TBC1D5: variants seen among roughly 807,000 people sequenced by gnomAD.
TBC1D5 encodes TBC1 domain family, member 5.
TBC1D5 carries 75 observed loss-of-function variants against 100.3 expected under a neutral mutation model. The ratio of observed to expected loss-of-function variants is 0.75; its 90% confidence interval spans 0.62 to 0.91. The LOEUF is 0.91. Among genes scored for constraint, TBC1D5 ranks in the 40% least tolerant of loss-of-function variants. TBC1D5 has a pLI of 0.00. For missense variants in TBC1D5, 910 were observed against 942.4 expected (o/e 0.97, Z 0.45); for synonymous variants, 323 against 325.6 (o/e 0.99, Z 0.09).
chr3:17,286,810 G>A (rs2081235290), intron 15 of TBC1D5, among the ~76,000 whole-genome samples: 1 of 152,272 alleles, frequency 6.6e-6, no homozygotes, highest in Middle Eastern at 3.4e-3. Flanking sequence ...GTCTGAGGAT[G>A]GGGGTTCAAT....
At chr3:17,189,916 G>A (rs1197312194) in intron 18 of TBC1D5, among the ~76,000 whole-genome samples, 7 of 152,104 alleles carry the variant, frequency 4.6e-5, no homozygotes, top group African/African-American at 1.2e-4. Context: ...TTTGTTGTTT[G>A]TTGAATGATT....
At chr3:17,292,432 G>T (rs1398272074) in intron 14 of TBC1D5, among the ~76,000 whole-genome samples, 2 of 152,024 alleles carry the variant, frequency 1.3e-5, no homozygotes, top group African/African-American at 2.4e-5. Context: ...ATTACAACTT[G>T]TTACATTTTC....
At chr3:17,587,168 T>C (rs922500121) in intron 2 of TBC1D5, among the ~76,000 whole-genome samples, 2 of 151,848 alleles carry the variant, frequency 1.3e-5, no homozygotes. Flanking sequence ...CCATAAATAA[T>C]CATACACACA....
intron 2 of TBC1D5, among the ~76,000 whole-genome samples, chr3:17,585,354 A>G (rs1560214902): frequency 2.6e-5 from 4 of 152,252 alleles, no homozygotes; most frequent in African/African-American, 9.6e-5. Flanking sequence ...CATACAATTT[A>G]GACAGACAAA....
At chr3:17,325,898 G>C (rs2151034076) in intron 13 of TBC1D5, among the ~76,000 whole-genome samples, 1 of 152,078 alleles carries the variant, frequency 6.6e-6, no homozygotes, top group South Asian at 2.1e-4. Context: ...ACCTATACAG[G>C]AAAATTAAGT....
At chr3:17,625,889 A>C (rs991641436) in intron 1 of TBC1D5, among the ~76,000 whole-genome samples, 2 of 152,114 alleles carry the variant, frequency 1.3e-5, no homozygotes, top group African/African-American at 4.8e-5. Context: ...AGTTTAGAAA[A>C]TCTTCCTTTT....
In TBC1D5 at chr3:17,182,250, C is replaced by T. The variant is rs114562075; in HGVS notation, c.1852+2859G>A. On this transcript the variant is annotated intron_variant, in intron 19 of 21. Transcript: ENST00000253692. The stretch of plus-strand genomic sequence containing the variant: ...GCATCCCTTAATCCCACTTTAAAAA[C>T]GCAGTCATGCTATTTATATGAGGGA... Among the ~76,000 whole-genome samples the T allele has an allele frequency of 5.2e-3, 786 of 152,194 alleles. 9 individuals are homozygous for T. Among genetic ancestry groups the T allele is most frequent in the African/African-American group, 0.018 (742 of 41,526 alleles).
intron 14 of TBC1D5, among the ~76,000 whole-genome samples, chr3:17,299,586 C>T (rs576121969): frequency 4.3e-4 from 65 of 152,168 alleles, no homozygotes; most frequent in African/African-American, 1.4e-3. Flanking sequence ...TGGCCGGGTG[C>T]GGTGGCTCAC....
Position 17,605,663 on chromosome 3 carries a change from T to C in TBC1D5, c.-36+18186A>G, listed in dbSNP as rs553271418. On this transcript the variant is annotated intron_variant, in intron 2 of 21. Transcript: ENST00000253692. The stretch of plus-strand genomic sequence containing the variant: ...ACCTAAGCTTCATTTTATCTACTTC[T>C]ATGATTAAAGATCAGGAAAGTATGC... Among the ~76,000 whole-genome samples, 530 of 152,320 alleles carry C rather than the reference T, an allele frequency of 3.5e-3. 4 individuals are homozygous for C. Among genetic ancestry groups the C allele is most frequent in the African/African-American group, 0.012 (502 of 41,570 alleles).
chr3:17,742,154 C>G (rs2077512108), upstream of TBC1D5, among the ~76,000 whole-genome samples: 1 of 152,202 alleles, frequency 6.6e-6, no homozygotes, highest in Non-Finnish European at 1.5e-5. Context: ...AGCAGCCACC[C>G]CGCCCAGCTC....
chr3:17,489,600 T>G (rs1208113928), intron 3 of TBC1D5, among the ~76,000 whole-genome samples: 1 of 152,200 alleles, frequency 6.6e-6, no homozygotes, highest in Admixed American at 6.5e-5. Flanking sequence ...GTTCCTGCAT[T>G]AATTTGCTGA....
chr3:17,706,322 T>A (rs2074159215), intron 1 of TBC1D5: 1 of 1,420,484 alleles, frequency 7.0e-7, no homozygotes, highest in South Asian at 1.3e-5. Context: ...ACCAGAACTG[T>A]ATACCTTTGT....
intron 8 of TBC1D5, among the ~76,000 whole-genome samples, chr3:17,392,615 T>C (rs994393921): frequency 6.6e-6 from 1 of 152,092 alleles, no homozygotes; most frequent in Non-Finnish European, 1.5e-5. Context: ...ACATGCGGTG[T>C]TTGGTTTTCT....
chr3:17,555,069 T>C (rs2096505509), intron 2 of TBC1D5, among the ~76,000 whole-genome samples: 1 of 152,062 alleles, frequency 6.6e-6, no homozygotes, highest in Admixed American at 6.5e-5. Flanking sequence ...CAGGATGGTC[T>C]CGATCTCCTG....
At position 17,428,356 on chromosome 3, in the gene TBC1D5, A is replaced by G. The variant is rs2094381254; in HGVS notation, c.167+94T>C. Reference sequence around the variant, plus strand: ...CCTTACTATTCTAGATCAAAACCCTATATAATTATATATCTTATACATTAT... The same window carrying G: ...CCTTACTATTCTAGATCAAAACCCTGTATAATTATATATCTTATACATTAT... On this transcript the variant is annotated intron_variant, in intron 4 of 21. Transcript: ENST00000253692. 1.3e-5 allele frequency: 5 copies of G among 386,742 alleles called. No individual in the cohort carries two copies. The East Asian group carries it at 3.9e-4, about 30-fold the overall frequency. 24.0% of individuals were successfully genotyped at this position (386,742 alleles called of 1,614,324 possible). A position where few individuals can be genotyped will look rare whatever the true frequency, so the allele number is the denominator to read the frequency against.
intron 1 of TBC1D5, among the ~76,000 whole-genome samples, chr3:17,664,454 T>C (rs1408932257): frequency 6.6e-6 from 1 of 152,226 alleles, no homozygotes; most frequent in Non-Finnish European, 1.5e-5. Context: ...AAAGGCCATT[T>C]TTCAACAGTA....
At chr3:17,199,468 T>C (rs2071175196) in intron 18 of TBC1D5, among the ~76,000 whole-genome samples, 1 of 152,244 alleles carries the variant, frequency 6.6e-6, no homozygotes, top group South Asian at 2.1e-4. Context: ...TGGAATATTT[T>C]CACATCATGA....
intron 2 of TBC1D5, among the ~76,000 whole-genome samples, chr3:17,514,890 A>T (rs2095963360): frequency 6.6e-6 from 1 of 151,872 alleles, no homozygotes. Context: ...ACCTTTTATT[A>T]TGATGTAGCC....
At chr3:17,681,446 A>G (rs578003077) in intron 1 of TBC1D5, among the ~76,000 whole-genome samples, 1 of 151,766 alleles carries the variant, frequency 6.6e-6, no homozygotes, top group East Asian at 1.9e-4. Context: ...GCCATGTCAG[A>G]TAAATACATA....
Sources: gnomAD v4.1 joint callset for allele counts (sites outside exome capture counted in the v4.1 genomes callset) on GRCh38, gnomAD v4.1.1 for gene constraint, MANE v1.5 for transcripts, NCBI Gene and HGNC (gene_info 2026-07-23, HGNC 2026-07-21) for gene names.